NEK7: variants seen among roughly 807,000 people sequenced by gnomAD.
NEK7 encodes the protein serine/threonine-protein kinase Nek7.
A neutral mutation model predicts 44.6 loss-of-function variants in NEK7; 18 were observed. The observed-to-expected ratio is 0.40, with a 90% CI of 0.28 to 0.60. NEK7 has a LOEUF of 0.60. NEK7 is among the 20% of genes least tolerant of loss of function. The pLI is 0.38. For missense variants in NEK7, 256 were observed against 366.5 expected, an observed-to-expected ratio of 0.70 and a Z score of 2.46; for synonymous variants, 130 against 121.1, an observed-to-expected ratio of 1.07 and a Z score of -0.48.
chr1:198,176,766 A>G (rs1189876726), intron 1 of NEK7, among the ~76,000 whole-genome samples: 10 of 152,066 alleles, frequency 6.6e-5, no homozygotes, highest in Non-Finnish European at 1.2e-4. Flanking sequence ...TAAGGGAGTA[A>G]AAGTTTCTGG....
intron 1 of NEK7, among the ~76,000 whole-genome samples, chr1:198,218,964 T>C (rs949977700): frequency 1.3e-5 from 2 of 151,956 alleles, no homozygotes; most frequent in Non-Finnish European, 2.9e-5. Flanking sequence ...CTGGTGGGAA[T>C]GTAAAGTAGC....
intron 3 of NEK7, among the ~76,000 whole-genome samples, chr1:198,253,396 T>G (rs1653141885): frequency 6.6e-6 from 1 of 152,160 alleles, no homozygotes. Context: ...TAGCTCGTAT[T>G]GAACCTCAAA....
chr1:198,243,293 G>A (rs558973863), intron 2 of NEK7, among the ~76,000 whole-genome samples: 1 of 152,008 alleles, frequency 6.6e-6, no homozygotes, highest in Non-Finnish European at 1.5e-5. Context: ...ATAAATATTA[G>A]ATATTATTAT....
chr1:198,285,389 A>G (rs900603693), intron 7 of NEK7, among the ~76,000 whole-genome samples: 5 of 152,214 alleles, frequency 3.3e-5, no homozygotes, highest in African/African-American at 1.2e-4. Flanking sequence ...AAACAATACA[A>G]AAAAGCCTCA....
chr1:198,294,812 C>G (rs199915096), intron 8 of NEK7, among the ~76,000 whole-genome samples: 1 of 152,104 alleles, frequency 6.6e-6, no homozygotes, highest in Non-Finnish European at 1.5e-5. Context: ...TTCATCTCAA[C>G]GCATTTTCTT....
chr1:198,297,625 C>T (rs1431085168), intron 9 of NEK7, among the ~76,000 whole-genome samples: 1 of 152,202 alleles, frequency 6.6e-6, no homozygotes, highest in Non-Finnish European at 1.5e-5. Flanking sequence ...CAGACCAGAC[C>T]AGCACACAGT....
At chr1:198,197,367 A>G (rs1463691402) in intron 1 of NEK7, among the ~76,000 whole-genome samples, 1 of 152,224 alleles carries the variant, frequency 6.6e-6, no homozygotes, top group Non-Finnish European at 1.5e-5. Context: ...AGATACTGTG[A>G]AGTTTCTTAA....
chr1:198,271,953 T>G (rs1653865231), intron 5 of NEK7, among the ~76,000 whole-genome samples: 1 of 146,714 alleles, frequency 6.8e-6, no homozygotes, highest in South Asian at 2.1e-4. Context: ...ATAGATACAT[T>G]TACTTAGGTA....
chr1:198,175,733 G>A (rs1036054540), intron 1 of NEK7, among the ~76,000 whole-genome samples: 3 of 152,168 alleles, frequency 2.0e-5, no homozygotes, highest in African/African-American at 7.2e-5. Flanking sequence ...CAAATACAAA[G>A]TCTATCAAAA....
intron 1 of NEK7, among the ~76,000 whole-genome samples, chr1:198,216,487 A>T (rs1439965642): frequency 6.6e-6 from 1 of 152,032 alleles, no homozygotes; most frequent in Admixed American, 6.6e-5. Context: ...AGTCTGAAAG[A>T]TCACAAATTG....
intron 1 of NEK7, among the ~76,000 whole-genome samples, chr1:198,218,100 C>T (rs912409879): frequency 1.3e-5 from 2 of 151,716 alleles, no homozygotes; most frequent in Non-Finnish European, 2.9e-5. Flanking sequence ...ACCAAAAAGC[C>T]CAAATTGCTA....
intron 2 of NEK7, among the ~76,000 whole-genome samples, chr1:198,239,140 T>G (rs1346810425): frequency 1.3e-5 from 2 of 152,214 alleles, no homozygotes; most frequent in Non-Finnish European, 2.9e-5. Context: ...TTTTACCATT[T>G]CTAGTTCATT....
intron 2 of NEK7, among the ~76,000 whole-genome samples, chr1:198,247,671 G>A (rs1348836371): frequency 2.6e-5 from 4 of 151,606 alleles, no homozygotes; most frequent in South Asian, 4.2e-4. Context: ...CAGTATTTTG[G>A]ACTTCTAGAA....
intron 8 of NEK7, among the ~76,000 whole-genome samples, chr1:198,295,168 G>T (rs991926893): frequency 1.3e-5 from 2 of 151,478 alleles, no homozygotes; most frequent in Non-Finnish European, 2.9e-5. Flanking sequence ...AAGATGCTGT[G>T]CTTTTGCTAC....
In NEK7 at chr1:198,321,918, T is replaced by G. The variant is rs1655545230; in HGVS notation, c.*2396T>G. The G allele has an allele frequency of 6.6e-6, 1 of 152,166 alleles. No homozygotes were observed. The highest frequency in any genetic ancestry group is 6.5e-5 in the Admixed American group (1 of 15,280). The allele number at this position is 152,166 out of a possible 1,614,324, so 9.4% of individuals were successfully genotyped here. On this transcript the variant is annotated 3_prime_UTR_variant, in exon 10 of 10. Coordinates refer to ENST00000367385, the MANE Select transcript of NEK7 (RefSeq NM_133494.3). ...AGCTATATCTATTCTAAACCTTATTTAGACATTGGTACCAGTTACCCAGGT... is the reference window on the plus strand; with the variant it reads ...AGCTATATCTATTCTAAACCTTATTGAGACATTGGTACCAGTTACCCAGGT...
Position 198,232,594 on chromosome 1 carries a change from C to A in NEK7, c.14C>A (p.Ser5Ter). MDEQ[S>*]QGMQGPPVPQ... is the part of the protein sequence containing the mutation. ...TTGCTTCAGACAATGGATGAGCAAT[C>A]ACAAGGAATGCAAGGGCCACCTGTT... is the stretch of plus-strand genomic sequence containing the variant. Residue 5 changes from serine to a stop codon, truncating the protein, a stop_gained, in exon 2 of 10, where the codon TCA becomes TAA. Transcript: ENST00000367385. LOFTEE classifies it high-confidence loss of function. 1 of 1,606,064 alleles carries A rather than the reference C, an allele frequency of 6.2e-7. No individual in the cohort carries two copies. Among genetic ancestry groups the A allele is most frequent in the Non-Finnish European group, 8.5e-7 (1 of 1,172,986 alleles).
intron 9 of NEK7, among the ~76,000 whole-genome samples, chr1:198,297,518 G>A (rs1446330541): frequency 2.6e-5 from 4 of 152,150 alleles, no homozygotes; most frequent in African/African-American, 4.8e-5. Flanking sequence ...GTACTGAATC[G>A]TGCAAAGGGC....
intron 1 of NEK7, among the ~76,000 whole-genome samples, chr1:198,171,939 A>T (rs1321012639): frequency 6.6e-6 from 1 of 152,206 alleles, no homozygotes; most frequent in Non-Finnish European, 1.5e-5. Context: ...CTCATGTAGT[A>T]GCAGTACCCA....
intron 1 of NEK7, among the ~76,000 whole-genome samples, chr1:198,190,235 T>C (rs1033035876): frequency 2.0e-5 from 3 of 152,056 alleles, no homozygotes; most frequent in Non-Finnish European, 4.4e-5. Flanking sequence ...AAAGCATTCA[T>C]CTGGGAACAT....
Sources: gnomAD v4.1 joint callset for allele counts (sites outside exome capture counted in the v4.1 genomes callset) on GRCh38, gnomAD v4.1.1 for gene constraint, MANE v1.5 for transcripts, NCBI Gene and HGNC (gene_info 2026-07-23, HGNC 2026-07-21) for gene names.